CNOT4: variants seen among roughly 807,000 people sequenced by gnomAD.
CNOT4 encodes CCR4-NOT transcription complex subunit 4.
CNOT4 carries 8 observed loss-of-function variants against 73.8 expected under a neutral mutation model. That is an observed-to-expected ratio of 0.11 (90% CI 0.06 to 0.20). The LOEUF is 0.20. Ranked by LOEUF, CNOT4 falls within the 10% of genes least tolerant of loss-of-function variation. The pLI, the probability that CNOT4 is intolerant of heterozygous loss-of-function variation, is 1.00. For missense variants in CNOT4, 564 were observed against 883.4 expected, an observed-to-expected ratio of 0.64 and a Z score of 4.58; for synonymous variants, 293 against 321.1, an observed-to-expected ratio of 0.91 and a Z score of 0.94.
At chr7:135,493,082 C>T (rs1803221784) in intron 1 of CNOT4, among the ~76,000 whole-genome samples, 1 of 152,174 alleles carries the variant, frequency 6.6e-6, no homozygotes. Context: ...GAATGGTGGA[C>T]AACTGCCCCA....
intron 7 of CNOT4, among the ~76,000 whole-genome samples, chr7:135,408,321 T>C (rs1251660240): frequency 6.6e-6 from 1 of 152,196 alleles, no homozygotes; most frequent in Admixed American, 6.6e-5. Context: ...TAAAAAATTA[T>C]GTTTTAGTGA....
chr7:135,506,379 T>C (rs1348218169), intron 1 of CNOT4, among the ~76,000 whole-genome samples: 2 of 152,242 alleles, frequency 1.3e-5, no homozygotes, highest in African/African-American at 4.8e-5. Flanking sequence ...TGAATGTAAC[T>C]TCCTTCACAA....
At chr7:135,466,650 C>T (rs1295890305) in intron 1 of CNOT4, among the ~76,000 whole-genome samples, 1 of 152,138 alleles carries the variant, frequency 6.6e-6, no homozygotes, top group Non-Finnish European at 1.5e-5. Flanking sequence ...CACTTACTCA[C>T]CAACTCATCC....
chr7:135,410,404 A>C (rs1797528642), intron 7 of CNOT4, 111 bp downstream of exon 7: 2 of 707,650 alleles, frequency 2.8e-6, no homozygotes, highest in Non-Finnish European at 4.3e-6. Flanking sequence ...ACAATTCTGC[A>C]TAAATGACAG....
chr7:135,417,679 A>G (rs972125487), intron 3 of CNOT4, among the ~76,000 whole-genome samples: 14 of 152,196 alleles, frequency 9.2e-5, no homozygotes, highest in Non-Finnish European at 1.5e-5. Context: ...TCTTAAGAAC[A>G]TTCAAAAGTT....
intron 1 of CNOT4, among the ~76,000 whole-genome samples, chr7:135,439,453 A>C (rs964365915): frequency 3.3e-5 from 5 of 152,310 alleles, no homozygotes; most frequent in Middle Eastern, 3.4e-3. Flanking sequence ...AATTAGACAA[A>C]AGAGCAAAGA....
At chr7:135,467,865 C>T (rs914533765) in intron 1 of CNOT4, among the ~76,000 whole-genome samples, 3 of 152,126 alleles carry the variant, frequency 2.0e-5, no homozygotes, top group Admixed American at 6.6e-5. Flanking sequence ...TTTAAGCACA[C>T]TTCTTCATTT....
chr7:135,404,843 G>C (rs1215840967), intron 7 of CNOT4, among the ~76,000 whole-genome samples: 1 of 152,072 alleles, frequency 6.6e-6, no homozygotes, highest in Admixed American at 6.5e-5. Context: ...TGTGGCTCAG[G>C]GAAAGTTTGC....
intron 1 of CNOT4, among the ~76,000 whole-genome samples, chr7:135,498,044 G>A (rs558595908): frequency 6.6e-6 from 1 of 152,098 alleles, no homozygotes; most frequent in Admixed American, 6.6e-5. Flanking sequence ...AACAATCCTG[G>A]TATCTCCATT....
intron 1 of CNOT4, among the ~76,000 whole-genome samples, chr7:135,465,448 T>G (rs1341573620): frequency 1.3e-5 from 2 of 152,246 alleles, no homozygotes; most frequent in Non-Finnish European, 2.9e-5. Flanking sequence ...AATGGATGCC[T>G]GAAGTATGTA....
At chr7:135,411,939 A>G (rs1797609787) in intron 6 of CNOT4, among the ~76,000 whole-genome samples, 1 of 151,952 alleles carries the variant, frequency 6.6e-6, no homozygotes, top group Non-Finnish European at 1.5e-5. Context: ...TTGCCATAAA[A>G]TTTATTCAAA....
chr7:135,420,867 G>T (rs970084953), intron 3 of CNOT4, among the ~76,000 whole-genome samples: 1 of 152,026 alleles, frequency 6.6e-6, no homozygotes, highest in Non-Finnish European at 1.5e-5. Context: ...GCTACAGAAG[G>T]TGAGTCATAC....
chr7:135,466,920 C>G (rs1359540995), intron 1 of CNOT4, among the ~76,000 whole-genome samples: 1 of 152,190 alleles, frequency 6.6e-6, no homozygotes, highest in Admixed American at 6.5e-5. Context: ...TGTAAGTACA[C>G]TCCATGACAT....
intron 1 of CNOT4, among the ~76,000 whole-genome samples, chr7:135,502,606 G>T (rs530741611): frequency 6.6e-6 from 1 of 152,224 alleles, no homozygotes; most frequent in East Asian, 1.9e-4. Context: ...CCTGAGGTCA[G>T]GAGTTCAAGA....
At position 135,394,348 on chromosome 7, in the gene CNOT4, T is replaced by C; in HGVS notation, c.1197A>G (p.Pro399=). The C allele has an allele frequency of 6.2e-7, 1 of 1,614,156 alleles. No individual in the cohort carries two copies. Among genetic ancestry groups the C allele is most frequent in the Non-Finnish European group, 8.5e-7 (1 of 1,179,972 alleles). The change falls in exon 10 of 12, where the codon CCA becomes CCG. Residue 399 remains proline (P), a synonymous_variant. Coordinates refer to ENST00000541284, the MANE Select transcript of CNOT4 (RefSeq NM_001190850.2). ...AGGGATCAAAACCCAAGTCATCCTCTGGTTGTTTAGAAGAACCAAAGCCAA... is the reference window on the plus strand; with the variant it reads ...AGGGATCAAAACCCAAGTCATCCTCCGGTTGTTTAGAAGAACCAAAGCCAA... The part of the protein sequence containing the change: ...AAFGFGSSKQ[P]EDDLGFDPFD...
intron 2 of CNOT4, among the ~76,000 whole-genome samples, chr7:135,424,092 T>G (rs1331796777): frequency 7.3e-6 from 1 of 136,688 alleles, no homozygotes; most frequent in South Asian, 2.4e-4. Context: ...CACACACACA[T>G]TTTTTATTAA....
chr7:135,481,956 G>C (rs1582633), intron 1 of CNOT4, among the ~76,000 whole-genome samples: 13,202 of 152,192 alleles, frequency 0.087, 678 homozygotes, highest in East Asian at 0.16. Context: ...AGGGGATAAA[G>C]AGAAGTTGGT....
In CNOT4 at chr7:135,363,031, G is replaced by A. The variant is rs201182108; in HGVS notation, c.1996C>T (p.Leu666=). The A allele has an allele frequency of 3.7e-6, 6 of 1,613,808 alleles. No individual in the cohort carries two copies. The Admixed American group carries it at 1.0e-4, about 27-fold the overall frequency. ...HSAPFSTQIP[L]HRASWNPYPP... ...TAGGGATTCCAACTGGCTCTGTGCA[G>A]CGGGATCTGTGTGCTGAAGGGGGCG... Residue 666 remains leucine, a synonymous_variant, in exon 12 of 12, where the codon CTG becomes TTG. Coordinates refer to ENST00000541284, the MANE Select transcript of CNOT4 (RefSeq NM_001190850.2). The surrounding 1 kb of genome is among the most constrained non-coding windows in gnomAD (Gnocchi z 4.3).
chr7:135,393,282 A>G lies in CNOT4; in HGVS notation c.1627+636T>C, dbSNP rs531682580. 1.9e-3 allele frequency among the ~76,000 whole-genome samples: 282 copies of G among 152,350 alleles called. 4 individuals carry two copies. Among genetic ancestry groups the G allele is most frequent in the African/African-American group, 6.6e-3 (274 of 41,586 alleles). The stretch of plus-strand genomic sequence containing the variant: ...ACTTACATTACCTTATATATACTTC[A>G]TATTTTTCCCCAGAAATAAAAACAT... On this transcript the variant is annotated intron_variant, in intron 10 of 11. Transcript: ENST00000541284.
Sources: allele counts gnomAD v4.1 joint callset (sites outside exome capture counted in the v4.1 genomes callset), GRCh38; gene constraint gnomAD v4.1.1; non-coding constraint Gnocchi (gnomAD v3.1); transcripts MANE v1.5; gene names NCBI Gene and HGNC (gene_info 2026-07-23, HGNC 2026-07-21).